Variants in ATRNL1 observed in about 807,000 individuals in gnomAD.
The protein encoded by ATRNL1 is attractin like 1, also known as attractin-like protein 1.
Under a neutral mutation model 182.7 loss-of-function variants are expected in ATRNL1, and 95 were observed. That is an observed-to-expected ratio of 0.52 (90% CI 0.44 to 0.62). The LOEUF is 0.62. Among genes scored for constraint, ATRNL1 ranks in the 20% least tolerant of loss-of-function variants. ATRNL1 has a pLI of 0.00. For missense variants in ATRNL1, 1,471 were observed against 1,679.5 expected (o/e 0.88, Z 2.17); for synonymous variants, 576 against 568.3 (o/e 1.01, Z -0.19).
intron 26 of ATRNL1, among the ~76,000 whole-genome samples, chr10:115,618,158 CT>C: frequency 6.6e-6 from 1 of 152,138 alleles, no homozygotes; most frequent in East Asian, 1.9e-4. Context: ...AACCTCTTTT[CT>C]TTATAAATTA....
At chr10:115,752,096 A>G (rs1948464794) in intron 27 of ATRNL1, among the ~76,000 whole-genome samples, 1 of 152,076 alleles carries the variant, frequency 6.6e-6, no homozygotes, top group African/African-American at 2.4e-5. Flanking sequence ...AATGAATATA[A>G]ATATGAATGA....
In ATRNL1 at chr10:115,537,936, T is replaced by G. The variant is rs138281657; in HGVS notation, c.3717-11522T>G. On this transcript the variant is annotated intron_variant, in intron 25 of 28. Transcript: ENST00000355044. ...CAACCATTGACCTGATCTCTGTTCT[T>G]GCAGTTTTGCCTTTTCCAGAATGTC... is the stretch of plus-strand genomic sequence containing the variant. Among the ~76,000 whole-genome samples the G allele has an allele frequency of 2.6e-5, 4 of 152,306 alleles. No individual in the cohort carries two copies. In the East Asian group the frequency reaches 7.7e-4, roughly 29 times the overall value.
intron 19 of ATRNL1, among the ~76,000 whole-genome samples, chr10:115,382,233 G>A (rs1858056748): frequency 6.6e-6 from 1 of 152,080 alleles, no homozygotes; most frequent in Non-Finnish European, 1.5e-5. Context: ...CTACAAAGAA[G>A]ACAGCTCAGA....
intron 18 of ATRNL1, among the ~76,000 whole-genome samples, chr10:115,317,078 GAGTTA>G (rs367619324): frequency 2.0e-5 from 3 of 152,086 alleles, no homozygotes; most frequent in African/African-American, 7.2e-5. Context: ...AATCCATCTT[GAGTTA>G]ATTTTTATAT....
chr10:115,236,581 T>C (rs1291713631), intron 9 of ATRNL1, among the ~76,000 whole-genome samples: 1 of 152,236 alleles, frequency 6.6e-6, no homozygotes, highest in Admixed American at 6.5e-5. Context: ...GTTTTGTTTT[T>C]TTAACAATAA....
At chr10:115,328,342 T>C (rs1855028081) in intron 18 of ATRNL1, among the ~76,000 whole-genome samples, 1 of 152,150 alleles carries the variant, frequency 6.6e-6, no homozygotes, top group South Asian at 2.1e-4. Flanking sequence ...TTCAATGCGA[T>C]GTTTTAATAC....
intron 27 of ATRNL1, among the ~76,000 whole-genome samples, chr10:115,788,389 T>G (rs935171561): frequency 6.6e-6 from 1 of 152,228 alleles, no homozygotes; most frequent in African/African-American, 2.4e-5. Flanking sequence ...ACATTCATAT[T>G]TCTTTATAAA....
At chr10:115,641,887 A>T (rs1349230373) in intron 26 of ATRNL1, among the ~76,000 whole-genome samples, 1 of 151,922 alleles carries the variant, frequency 6.6e-6, no homozygotes. Context: ...ATAATCATAG[A>T]CTTATTTCTC....
chr10:115,297,748 T>G (rs1457411277), intron 15 of ATRNL1, among the ~76,000 whole-genome samples: 1 of 152,042 alleles, frequency 6.6e-6, no homozygotes, highest in African/African-American at 2.4e-5. Flanking sequence ...AGATTCAAAT[T>G]CCCTGATATT....
Position 115,837,466 on chromosome 10 carries a change from CCACACACACACACACACACACACA to C in ATRNL1, c.3904-10373_3904-10350del, listed in dbSNP as rs71010052. Among the ~76,000 whole-genome samples the C allele has an allele frequency of 1.3e-3, 181 of 135,052 alleles. 3 individuals carry two copies. The highest frequency in any genetic ancestry group is 2.3e-3 in the African/African-American group (83 of 36,284). The allele number at this position is 135,052 out of a possible 152,430, so 88.6% of individuals were successfully genotyped here. A position where few individuals can be genotyped will look rare whatever the true frequency, so the allele number is the denominator to read the frequency against. Reference sequence around the variant, plus strand: ...CTAGTAAGCAAAGAGGCTTCCCAAGCCACACACACACACACACACACACACACACACACACACACACACACACAC... The same window carrying C: ...CTAGTAAGCAAAGAGGCTTCCCAAGCCACACACACACACACACACACACAC... On this transcript the variant is annotated intron_variant, in intron 27 of 28. Coordinates refer to ENST00000355044, the MANE Select transcript of ATRNL1 (RefSeq NM_207303.4).
chr10:115,671,072 A>T (rs540110189), intron 26 of ATRNL1, among the ~76,000 whole-genome samples: 1 of 152,188 alleles, frequency 6.6e-6, no homozygotes, highest in East Asian at 1.9e-4. Flanking sequence ...ATGCTTAGGG[A>T]GAGGGACAAT....
chr10:115,617,259 G>C lies in ATRNL1; in HGVS notation c.3795+67723G>C, dbSNP rs1314865270. On this transcript the variant is annotated intron_variant, in intron 26 of 28. Transcript: ENST00000355044. ...TTGGTTTCAGACTTGCATGGGGCCT[G>C]TAACCACTTTCTTTTGGCCAATTTC... Among the ~76,000 whole-genome samples the C allele has an allele frequency of 2.0e-5, 3 of 152,180 alleles. No homozygotes were observed. In the East Asian group the frequency reaches 5.8e-4, roughly 29 times the overall value.
intron 26 of ATRNL1, among the ~76,000 whole-genome samples, chr10:115,595,551 A>T (rs1856187510): frequency 6.6e-6 from 1 of 152,216 alleles, no homozygotes; most frequent in South Asian, 2.1e-4. Flanking sequence ...GCAAAAAGAA[A>T]AACAGGGATT....
chr10:115,784,555 T>G (rs1949349323), intron 27 of ATRNL1, among the ~76,000 whole-genome samples: 1 of 152,152 alleles, frequency 6.6e-6, no homozygotes, highest in African/African-American at 2.4e-5. Flanking sequence ...CTTTAAACAA[T>G]AAAAATGTAT....
chr10:115,825,277 G>T (rs1555091653), intron 27 of ATRNL1, among the ~76,000 whole-genome samples: 2 of 152,088 alleles, frequency 1.3e-5, no homozygotes, highest in Non-Finnish European at 1.5e-5. Flanking sequence ...ACCAGGGCCT[G>T]TCGGGGGTTG....
At chr10:115,307,048 C>T (rs1853770835) in intron 17 of ATRNL1, among the ~76,000 whole-genome samples, 1 of 152,058 alleles carries the variant, frequency 6.6e-6, no homozygotes, top group African/African-American at 2.4e-5. Context: ...TGATCTTTTG[C>T]TTCTTTTGTT....
intron 8 of ATRNL1, among the ~76,000 whole-genome samples, chr10:115,198,765 C>G (rs1427449714): frequency 6.6e-6 from 1 of 152,118 alleles, no homozygotes; most frequent in Non-Finnish European, 1.5e-5. Flanking sequence ...AAGAGACTGT[C>G]TTTTTCCTGT....
chr10:115,249,575 C>T (rs1434196832), intron 10 of ATRNL1, among the ~76,000 whole-genome samples: 1 of 151,942 alleles, frequency 6.6e-6, no homozygotes, highest in Admixed American at 6.6e-5. Flanking sequence ...AGAACAGTAA[C>T]TCTAATTTTT....
intron 9 of ATRNL1, among the ~76,000 whole-genome samples, chr10:115,233,978 C>T (rs185561791): frequency 7.1e-4 from 108 of 151,630 alleles, no homozygotes; most frequent in African/African-American, 2.4e-3. Context: ...GGTGTTACTT[C>T]GGGCTTTTAA....
Sources: allele counts gnomAD v4.1 joint callset (sites outside exome capture counted in the v4.1 genomes callset), GRCh38; gene constraint gnomAD v4.1.1; transcripts MANE v1.5; gene names NCBI Gene and HGNC (gene_info 2026-07-23, HGNC 2026-07-21).